KCNIP4: variants seen among roughly 807,000 people sequenced by gnomAD.
The protein encoded by KCNIP4 is Kv channel-interacting protein 4.
KCNIP4 carries 12 observed loss-of-function variants against 34.0 expected under a neutral mutation model. That is an observed-to-expected ratio of 0.35 (90% CI 0.23 to 0.57). The LOEUF (loss-of-function observed/expected upper bound fraction) is 0.57. KCNIP4 is among the 20% of genes least tolerant of loss of function. The pLI is 0.83. For missense variants in KCNIP4, 238 were observed against 311.7 expected, an observed-to-expected ratio of 0.76 and a Z score of 1.78; for synonymous variants, 124 against 102.2, an observed-to-expected ratio of 1.21 and a Z score of -1.29.
intron 1 of KCNIP4, among the ~76,000 whole-genome samples, chr4:21,372,608 G>A (rs973581779): frequency 6.8e-6 from 1 of 146,980 alleles, no homozygotes; most frequent in Non-Finnish European, 1.5e-5. Context: ...CAACTAAGGT[G>A]AACGTGAGAA....
intron 1 of KCNIP4, among the ~76,000 whole-genome samples, chr4:21,549,063 C>G (rs1348541761): frequency 6.6e-6 from 1 of 151,648 alleles, no homozygotes; most frequent in East Asian, 1.9e-4. Flanking sequence ...GGAGACCAGG[C>G]CAAATGTCCC....
chr4:21,651,468 G>A (rs1374831258), intron 1 of KCNIP4, among the ~76,000 whole-genome samples: 1 of 152,188 alleles, frequency 6.6e-6, no homozygotes, highest in Admixed American at 6.5e-5. Flanking sequence ...ACTGTTTAGA[G>A]AAATGGGAAT....
At chr4:21,181,595 G>A (rs1288690769) in intron 1 of KCNIP4, among the ~76,000 whole-genome samples, 1 of 152,126 alleles carries the variant, frequency 6.6e-6, no homozygotes, top group African/African-American at 2.4e-5. Flanking sequence ...AATGAGCTGT[G>A]AAGCTTCTCC....
rs62295490 is a variant in KCNIP4 at position 21,443,217 on chromosome 4, T to C, written c.61+505354A>G. Among the ~76,000 whole-genome samples the C allele has an allele frequency of 1.0e-3, 156 of 152,294 alleles. 1 individual carries two copies. The highest frequency in any genetic ancestry group is 6.4e-3 in the South Asian group (31 of 4,824). ...CAAGCCTAGTGAAGTCAGTCATCAC[T>C]ATTTTCTGTGCAGAGCCTCCACTAG... On this transcript the variant is annotated intron_variant, in intron 1 of 8. Coordinates refer to ENST00000382152, the MANE Select transcript of KCNIP4 (RefSeq NM_025221.6).
At chr4:21,723,454 C>G (rs993679512) in intron 1 of KCNIP4, among the ~76,000 whole-genome samples, 1 of 152,038 alleles carries the variant, frequency 6.6e-6, no homozygotes, top group African/African-American at 2.4e-5. Context: ...AGTATATTTA[C>G]CCATCATCTC....
At chr4:20,779,500 G>T (rs961888228) in intron 3 of KCNIP4, among the ~76,000 whole-genome samples, 1 of 151,518 alleles carries the variant, frequency 6.6e-6, no homozygotes, top group Non-Finnish European at 1.5e-5. Context: ...TATGTGACAG[G>T]TTGGAAACTG....
intron 1 of KCNIP4, among the ~76,000 whole-genome samples, chr4:21,825,256 T>C (rs1280501398): frequency 6.6e-6 from 1 of 151,974 alleles, no homozygotes; most frequent in Middle Eastern, 3.4e-3. Flanking sequence ...ATGAACAAAA[T>C]ACTTTGTAGA....
At chr4:21,721,107 G>A (rs981194423) in intron 1 of KCNIP4, among the ~76,000 whole-genome samples, 5 of 152,182 alleles carry the variant, frequency 3.3e-5, no homozygotes, top group Middle Eastern at 6.8e-3. Context: ...GCCTTAGTTC[G>A]GAGTTTGGTT....
At chr4:21,945,177 T>C (rs917793714) in intron 1 of KCNIP4, among the ~76,000 whole-genome samples, 1 of 152,178 alleles carries the variant, frequency 6.6e-6, no homozygotes, top group Non-Finnish European at 1.5e-5. Flanking sequence ...CCCAGAAATA[T>C]ATCTTCAAAA....
At chr4:21,777,501 C>T (rs1349482019) in intron 1 of KCNIP4, among the ~76,000 whole-genome samples, 3 of 152,112 alleles carry the variant, frequency 2.0e-5, no homozygotes, top group Admixed American at 6.5e-5. Context: ...TGTAATATGA[C>T]TTGGCAAAGA....
At chr4:20,943,718 C>T (rs987528518) in intron 1 of KCNIP4, among the ~76,000 whole-genome samples, 10 of 152,110 alleles carry the variant, frequency 6.6e-5, no homozygotes, top group Non-Finnish European at 1.0e-4. Flanking sequence ...CACTACATGA[C>T]ACTGCAGGAC....
intron 5 of KCNIP4, among the ~76,000 whole-genome samples, chr4:20,737,801 G>C (rs80323695): frequency 5.8e-4 from 88 of 152,316 alleles, no homozygotes; most frequent in African/African-American, 2.0e-3. Context: ...TTAGTTAAAA[G>C]GTAATGACAG....
intron 1 of KCNIP4, among the ~76,000 whole-genome samples, chr4:21,128,158 G>A (rs533833472): frequency 6.6e-6 from 1 of 152,266 alleles, no homozygotes; most frequent in Non-Finnish European, 1.5e-5. Flanking sequence ...GAATTGCAAG[G>A]AGAAACCAGA....
rs140380663 is a variant in KCNIP4, at chr4:21,260,097, G to T, written c.62-377388C>A. On this transcript the variant is annotated intron_variant, in intron 1 of 8. Coordinates refer to ENST00000382152, the MANE Select transcript of KCNIP4 (RefSeq NM_025221.6). ...TAATTTAAACGGAGAAGGTGAGATG[G>T]TCAGGAATTTAGTTCTGAGAGTTTT... Among the ~76,000 whole-genome samples, 216 of 152,226 alleles carry T rather than the reference G, an allele frequency of 1.4e-3. 1 individual carries two copies. The highest frequency in any genetic ancestry group is 4.9e-3 in the African/African-American group (202 of 41,566).
At chr4:21,817,479 G>A (rs1360502968) in intron 1 of KCNIP4, among the ~76,000 whole-genome samples, 1 of 152,104 alleles carries the variant, frequency 6.6e-6, no homozygotes. Context: ...GGGAACAAGG[G>A]AAGACAACCA....
In KCNIP4 at chr4:20,933,552, CTTTAA is replaced by C. The variant is rs1240866165; in HGVS notation, c.62-50848_62-50844del. Among the ~76,000 whole-genome samples the C allele has an allele frequency of 4.6e-5, 7 of 152,212 alleles. No homozygotes were observed. The East Asian group carries it at 7.7e-4, about 17-fold the overall frequency. Reference sequence around the variant, plus strand: ...ATTACATGGTTTCACATATATCACACTTTAATTTGTGATTATCCACAATTTCTTAT... The same window carrying C: ...ATTACATGGTTTCACATATATCACACTTTGTGATTATCCACAATTTCTTAT... On this transcript the variant is annotated intron_variant, in intron 1 of 8. Transcript: ENST00000382152.
chr4:21,936,948 T>C (rs1729893301), intron 1 of KCNIP4, among the ~76,000 whole-genome samples: 1 of 152,078 alleles, frequency 6.6e-6, no homozygotes, highest in African/African-American at 2.4e-5. Context: ...CCTTATTCTT[T>C]ACAGTTCTGA....
intron 1 of KCNIP4, among the ~76,000 whole-genome samples, chr4:21,683,513 G>T (rs1750563010): frequency 0.5 from 6 of 12 alleles, 2 homozygotes; most frequent in South Asian, 0.75. Flanking sequence ...TGTCACCCAG[G>T]GCTGGAGTGC....
intron 1 of KCNIP4, 36 bp downstream of exon 1, chr4:21,948,535 A>T: frequency 6.3e-7 from 1 of 1,598,706 alleles, no homozygotes; most frequent in Non-Finnish European, 8.5e-7. Flanking sequence ...AGGAGGGCGG[A>T]AGCGGGCGCC....
Sources: gnomAD v4.1 joint callset for allele counts (sites outside exome capture counted in the v4.1 genomes callset) on GRCh38, gnomAD v4.1.1 for gene constraint, MANE v1.5 for transcripts, NCBI Gene and HGNC (gene_info 2026-07-23, HGNC 2026-07-21) for gene names.